NUP133: variants seen among roughly 807,000 people sequenced by gnomAD.
NUP133 encodes the protein nuclear pore complex protein Nup133.
Under a neutral mutation model 146.2 loss-of-function variants are expected in NUP133, and 66 were observed. The ratio of observed to expected loss-of-function variants is 0.45; its 90% CI spans 0.37 to 0.55. The LOEUF (loss-of-function observed/expected upper bound fraction) is 0.55. Ranked by LOEUF, NUP133 falls within the 20% of genes least tolerant of loss-of-function variation. NUP133 has a pLI of 0.00. For missense variants in NUP133, 1,277 were observed against 1,374.8 expected (o/e 0.93, Z 1.12); for synonymous variants, 521 against 498.8 (o/e 1.04, Z -0.59).
At position 229,463,562 on chromosome 1, in the gene NUP133, A is replaced by G. The variant is rs1221818018; in HGVS notation, c.2666T>C (p.Met889Thr). The change falls in exon 19 of 26, where the codon ATG becomes ACG. Residue 889 changes from methionine (M) to threonine (T), a missense_variant. Physicochemically the swap from Met to Thr is moderately conservative, Grantham distance 81 (BLOSUM62 -1). This residue lies in a region of NUP133 where 952 missense variants were observed against 1,047.0 expected (regional missense o/e 0.91). Transcript: ENST00000261396. ...CATCACCTGATCAGCAAACTGGGTC[A>G]TGTAGCGCTGGAGTCGGCTCTGGTT... ...TDNQSRLQRY[M>T]TQFADQNFSD... 2 of 1,613,972 alleles carry G rather than the reference A, an allele frequency of 1.2e-6. No individual in the cohort carries two copies. Among genetic ancestry groups the G allele is most frequent in the East Asian group, 4.5e-5 (2 of 44,890 alleles).
chr1:229,468,932 T>C (rs1331391293), intron 15 of NUP133, among the ~76,000 whole-genome samples: 2 of 152,080 alleles, frequency 1.3e-5, no homozygotes, highest in Non-Finnish European at 2.9e-5. Flanking sequence ...CCCAAATGCA[T>C]AAAAGCAAAG....
At chr1:229,479,655 G>A (rs1272824957) in intron 12 of NUP133, among the ~76,000 whole-genome samples, 1 of 152,168 alleles carries the variant, frequency 6.6e-6, no homozygotes, top group Non-Finnish European at 1.5e-5. Flanking sequence ...AAGCTTTGGA[G>A]AAGATAAGCT....
intron 2 of NUP133, among the ~76,000 whole-genome samples, chr1:229,502,501 G>C (rs532681352): frequency 7.0e-6 from 1 of 142,252 alleles, no homozygotes; most frequent in East Asian, 2.1e-4. Context: ...GGAGGTTCCA[G>C]TGAGCCGAGA....
intron 2 of NUP133, 119 bp from the exon 3 acceptor site, chr1:229,502,221 T>A (rs992748619): frequency 2.2e-5 from 15 of 671,234 alleles, no homozygotes; most frequent in Admixed American, 5.2e-5. Context: ...CAAATACTTT[T>A]GAATATTCCA....
intron 8 of NUP133, among the ~76,000 whole-genome samples, chr1:229,490,375 C>T (rs1661476363): frequency 6.7e-6 from 1 of 148,734 alleles, no homozygotes; most frequent in Admixed American, 6.7e-5. Flanking sequence ...TGTGGTATAT[C>T]CATACAAAAG....
At position 229,508,097 on chromosome 1, in the gene NUP133, C is replaced by A. The variant is rs754722658; in HGVS notation, c.153G>T (p.Pro51=). 3 of 1,506,836 alleles carry A rather than the reference C, an allele frequency of 2.0e-6. No homozygotes were observed. The highest frequency in any genetic ancestry group is 2.7e-6 in the Non-Finnish European group (3 of 1,125,948). The allele number at this position is 1,506,836 out of a possible 1,614,324, so 93.3% of individuals were successfully genotyped here. A position where few individuals can be genotyped will look rare whatever the true frequency, so the allele number is the denominator to read the frequency against. The part of the protein sequence containing the change: ...SAVSSPVLFS[P]VGRRSSLSSR... ...AGCTTAGCGAGCTACGCCGGCCGAC[C>A]GGCGAGAAGAGCACTGGGGAGCTGA... The change falls in exon 1 of 26, where the codon CCG becomes CCT. Residue 51 remains proline, a synonymous_variant. Transcript: ENST00000261396.
chr1:229,477,859 A>T lies in NUP133; in HGVS notation c.1593-99T>A, dbSNP rs1317724667. On this transcript the variant is annotated intron_variant, in intron 12 of 25. Coordinates refer to ENST00000261396, the MANE Select transcript of NUP133 (RefSeq NM_018230.3). ...TATGGACTACTATTCAGCCAAAAAA[A>T]AGAATGCGATCCTGTCATTCGCAAC... The T allele has an allele frequency of 1.6e-5, 14 of 849,952 alleles. No homozygotes were observed. In the Admixed American group the frequency reaches 3.8e-4, roughly 23 times the overall value. 52.7% of individuals were successfully genotyped at this position (849,952 alleles called of 1,614,324 possible).
chr1:229,444,447 C>A (rs1660258737), intron 25 of NUP133, among the ~76,000 whole-genome samples: 1 of 152,310 alleles, frequency 6.6e-6, no homozygotes, highest in Non-Finnish European at 1.5e-5. Context: ...TGCAAAGCTG[C>A]CCTTAAATAT....
At chr1:229,479,475 T>C (rs1661156790) in intron 12 of NUP133, among the ~76,000 whole-genome samples, 1 of 152,156 alleles carries the variant, frequency 6.6e-6, no homozygotes, top group African/African-American at 2.4e-5. Context: ...GAAAAACGTA[T>C]ATATATGATT....
At chr1:229,500,682 A>G (rs1197605621) in intron 4 of NUP133, 74 bp downstream of exon 4, 2 of 845,546 alleles carry the variant, frequency 2.4e-6, no homozygotes, top group Non-Finnish European at 3.7e-6. Flanking sequence ...TCAAAATCAA[A>G]GAGGATGATT....
chr1:229,467,325 C>A (rs1294219902), intron 15 of NUP133, among the ~76,000 whole-genome samples: 1 of 152,162 alleles, frequency 6.6e-6, no homozygotes, highest in Non-Finnish European at 1.5e-5. Flanking sequence ...GTTTCAAGTT[C>A]AAGTCTGCAC....
intron 20 of NUP133, among the ~76,000 whole-genome samples, chr1:229,459,230 A>C (rs1331577937): frequency 6.6e-6 from 1 of 152,154 alleles, no homozygotes; most frequent in Admixed American, 6.5e-5. Context: ...ATGTATATAA[A>C]AAATGTTCCT....
chr1:229,493,047 CCAGTT>C (rs1661563457), intron 8 of NUP133, among the ~76,000 whole-genome samples: 1 of 151,904 alleles, frequency 6.6e-6, no homozygotes, highest in Non-Finnish European at 1.5e-5. Flanking sequence ...TCCTGCTTTA[CCAGTT>C]AAGTTTTTAT....
chr1:229,502,081 T>G lies in NUP133; in HGVS notation c.323A>C (p.Asn108Thr). The change falls in exon 3 of 26, where the codon AAC (asparagine) becomes ACC (threonine). Residue 108 changes from asparagine to threonine, a missense_variant. By Grantham distance (65) the Asn-to-Thr change is moderately conservative (BLOSUM62 0). Around this residue, in one of 3 missense-constraint regions of NUP133, gnomAD observed 319 missense variants for 306.9 expected, o/e 1.04. Coordinates refer to ENST00000261396, the MANE Select transcript of NUP133 (RefSeq NM_018230.3). ...ACAAGCCCATCCACCTTCATCTATGTTAATGGTCAGCTGGTCATCGACTAA... is the reference window on the plus strand; with the variant it reads ...ACAAGCCCATCCACCTTCATCTATGGTAATGGTCAGCTGGTCATCGACTAA... ...LAEVDDQLTI[N>T]IDEGGWACLV... 2 of 1,613,884 alleles carry G rather than the reference T, an allele frequency of 1.2e-6. No homozygotes were observed. The highest frequency in any genetic ancestry group is 1.7e-6 in the Non-Finnish European group (2 of 1,179,860).
intron 24 of NUP133, among the ~76,000 whole-genome samples, chr1:229,445,397 C>T (rs1660281867): frequency 6.6e-6 from 1 of 152,156 alleles, no homozygotes; most frequent in Non-Finnish European, 1.5e-5. Flanking sequence ...CTCACTGCAG[C>T]TTCGAACTCC....
At chr1:229,501,292 A>G (rs562652928) in intron 3 of NUP133, among the ~76,000 whole-genome samples, 80 of 152,348 alleles carry the variant, frequency 5.3e-4, no homozygotes, top group African/African-American at 1.9e-3. Context: ...TCTCAGCCAA[A>G]TATCAGGATC....
intron 8 of NUP133, among the ~76,000 whole-genome samples, chr1:229,493,948 T>C (rs745726641): frequency 3.3e-5 from 5 of 151,956 alleles, no homozygotes; most frequent in Admixed American, 6.6e-5. Context: ...CTGGCCAACA[T>C]AGTGAAAACC....
In NUP133 at chr1:229,460,501, C is replaced by T. The variant is rs1352085627; in HGVS notation, c.2844+110G>A. 3.6e-5 allele frequency: 39 copies of T among 1,078,808 alleles called. No homozygotes were observed. In the South Asian group the frequency reaches 5.0e-4, roughly 14 times the overall value. The allele number at this position is 1,078,808 out of a possible 1,614,324, so 66.8% of individuals were successfully genotyped here. ...TCCCTTATATATTTTGGATAGTAACCCCTTCTCAGGTATATGACAGTAAAC... is the reference window on the plus strand; with the variant it reads ...TCCCTTATATATTTTGGATAGTAACTCCTTCTCAGGTATATGACAGTAAAC... On this transcript the variant is annotated intron_variant, in intron 20 of 25. Transcript: ENST00000261396.
chr1:229,484,162 T>C lies in NUP133; in HGVS notation c.1501-17A>G, dbSNP rs1302439349. On this transcript the variant is annotated splice_polypyrimidine_tract_variant and intron_variant, in intron 11 of 25. Transcript: ENST00000261396. ...AATCATACTCTGCAAAATAACAAAGTATAGTTTAGAGGTAAAGGCATCTGA... is the reference window on the plus strand; with the variant it reads ...AATCATACTCTGCAAAATAACAAAGCATAGTTTAGAGGTAAAGGCATCTGA... 6.3e-7 allele frequency: 1 copy of C among 1,577,912 alleles called. No homozygotes were observed. The highest frequency in any genetic ancestry group is 2.2e-5 in the East Asian group (1 of 44,690).
Sources: gnomAD v4.1 joint callset for allele counts (sites outside exome capture counted in the v4.1 genomes callset) on GRCh38, gnomAD v4.1.1 for gene constraint, gnomAD v4.1.1 regional missense constraint, MANE v1.5 for transcripts, NCBI Gene and HGNC (gene_info 2026-07-23, HGNC 2026-07-21) for gene names.